NHSL2: variants seen among roughly 807,000 people sequenced by gnomAD.
The protein encoded by NHSL2 is NHS like 2, also known as NHS-like protein 2.
NHSL2 carries 27 observed loss-of-function variants against 53.4 expected under a neutral mutation model. The ratio of observed to expected loss-of-function variants is 0.51; its 90% CI spans 0.37 to 0.70. The LOEUF (loss-of-function observed/expected upper bound fraction) is 0.70, where lower values mean the gene tolerates loss of function less well. NHSL2 is among the 30% of genes least tolerant of loss of function. The pLI, the probability that NHSL2 is intolerant of heterozygous loss-of-function variation, is 0.00. For synonymous variants in NHSL2, 408 were observed against 404.1 expected, an observed-to-expected ratio of 1.01 and a Z score of -0.12; for missense variants, 892 against 980.1, an observed-to-expected ratio of 0.91 and a Z score of 1.20.
chrX:72,101,018 C>T (rs181440751), intron 1 of NHSL2, among the ~76,000 whole-genome samples: 7 of 108,429 alleles, frequency 6.5e-5, no homozygotes, highest in African/African-American at 1.0e-4. Context: ...TCATCACACT[C>T]AAAACCCAAT....
At chrX:71,948,850 TG>T (rs1210465789) in intron 1 of NHSL2, among the ~76,000 whole-genome samples, 4 of 30,623 alleles carry the variant, frequency 1.3e-4, no homozygotes, top group Non-Finnish European at 3.6e-4. Flanking sequence ...AATGTAGTTT[TG>T]TTTTTTTTTT....
At chrX:72,075,970 G>A (rs1950332527) in intron 1 of NHSL2, among the ~76,000 whole-genome samples, 1 of 109,283 alleles carries the variant, frequency 9.2e-6, no homozygotes, top group African/African-American at 3.3e-5. Flanking sequence ...TTTCACTCTT[G>A]TCACCCAGGC....
At chrX:71,950,335 C>G (rs2041814613) in intron 1 of NHSL2, among the ~76,000 whole-genome samples, 1 of 112,532 alleles carries the variant, frequency 8.9e-6, no homozygotes, top group South Asian at 3.7e-4. Flanking sequence ...ATGCCCAGCC[C>G]AAAGACCTAA....
At chrX:71,994,296 C>CTGTGTGTGTGTGTGTGTGTGTG (rs1364524927) in intron 1 of NHSL2, among the ~76,000 whole-genome samples, 2 of 41,476 alleles carry the variant, frequency 4.8e-5, no homozygotes, top group African/African-American at 1.9e-4. Context: ...GGGAGGCTCC[C>CTGTGTGTGTGTGTGTGTGTGTG]TCTGTGTGTG....
intron 1 of NHSL2, among the ~76,000 whole-genome samples, chrX:72,119,283 G>C (rs1053869491): frequency 7.2e-5 from 8 of 111,828 alleles, no homozygotes. Flanking sequence ...ATGGATTTTA[G>C]GATCAGGTGG....
chrX:72,139,919 C>T lies in NHSL2; in HGVS notation c.2371C>T (p.Arg791Ter). The change falls in exon 6 of 8, where the codon CGA (arginine) becomes TGA (stop). Residue 791 changes from arginine (R) to a stop codon, truncating the protein, a stop_gained. Transcript: ENST00000633930. LOFTEE classifies it high-confidence loss of function. ...LDLSGMSISI[R>*]SKTKVSRHHS... ...TCTGTCTGGGATGAGTATCTCCATC[C>T]GAAGCAAAACTAAGGTGAGTCGGCA... 8.3e-7 allele frequency: 1 copy of T among 1,210,538 alleles called. No individual in the cohort carries two copies. The highest frequency in any genetic ancestry group is 1.1e-6 in the Non-Finnish European group (1 of 894,840).
intron 1 of NHSL2, among the ~76,000 whole-genome samples, chrX:71,976,199 G>A: frequency 8.9e-6 from 1 of 112,163 alleles, no homozygotes; most frequent in Admixed American, 9.5e-5. Context: ...ACAGAGTCTT[G>A]TGGTGAAGGG....
At chrX:71,983,955 T>C (rs1407256619) in intron 1 of NHSL2, among the ~76,000 whole-genome samples, 1 of 111,554 alleles carries the variant, frequency 9.0e-6, no homozygotes, top group East Asian at 2.8e-4. Flanking sequence ...CCCTATCTCA[T>C]GCTGTGACTA....
At chrX:71,967,594 G>C (rs976043533) in intron 1 of NHSL2, among the ~76,000 whole-genome samples, 1 of 111,448 alleles carries the variant, frequency 9.0e-6, no homozygotes, top group Non-Finnish European at 1.9e-5. Context: ...GGATTTTCTA[G>C]ACGTCTTTCT....
chrX:72,049,219 A>G (rs984805769), intron 1 of NHSL2, among the ~76,000 whole-genome samples: 3 of 111,291 alleles, frequency 2.7e-5, no homozygotes, highest in African/African-American at 9.8e-5. Flanking sequence ...CCAGAGTGAT[A>G]ACAGAGTGCT....
chrX:71,924,039 A>C (rs1463808582), intron 1 of NHSL2, among the ~76,000 whole-genome samples: 1 of 111,920 alleles, frequency 8.9e-6, no homozygotes, highest in Non-Finnish European at 1.9e-5. Context: ...TCTGAGGGGT[A>C]ATTCCTACCC....
chrX:72,011,840 G>C (rs193140619), intron 1 of NHSL2, among the ~76,000 whole-genome samples: 7 of 111,647 alleles, frequency 6.3e-5, no homozygotes. Flanking sequence ...ATCTCATTCT[G>C]GTTTCAATTC....
chrX:72,114,136 C>G (rs1043551779), intron 1 of NHSL2, among the ~76,000 whole-genome samples: 1 of 112,362 alleles, frequency 8.9e-6, no homozygotes, highest in South Asian at 3.7e-4. Flanking sequence ...AGGTATCAGC[C>G]GTGGTTGCCT....
chrX:72,129,588 A>T, intron 1 of NHSL2: 1 of 402,933 alleles, frequency 2.5e-6, no homozygotes, highest in East Asian at 4.0e-5. Context: ...CGGACTGAGC[A>T]GAGTACATGC....
intron 1 of NHSL2, among the ~76,000 whole-genome samples, chrX:71,912,275 G>A (rs146343813): frequency 2.6e-3 from 296 of 112,246 alleles, no homozygotes; most frequent in African/African-American, 9.4e-3. Flanking sequence ...GAAATGCAGT[G>A]CCCCTGAGAG....
chrX:72,129,047 A>C (rs2042256237), intron 1 of NHSL2: 1 of 113,054 alleles, frequency 8.8e-6, no homozygotes, highest in Non-Finnish European at 1.9e-5. Context: ...GGGGGTGCCC[A>C]GGAGGGCAAT....
At chrX:72,059,723 T>C (rs1304555023) in intron 1 of NHSL2, among the ~76,000 whole-genome samples, 1 of 111,844 alleles carries the variant, frequency 8.9e-6, no homozygotes, top group African/African-American at 3.3e-5. Flanking sequence ...GGGGATTGCA[T>C]CAAATGATGG....
At position 71,911,276 on chromosome X, in the gene NHSL2, C is replaced by G; in HGVS notation, c.189C>G (p.Arg63=). ...AGGGGCACCTGCTGGCCCTGGGGCG[C>G]CGCACAGACAGCCTGTACCGGCGCA... The part of the protein sequence containing the change: ...DLEGHLLALG[R]RTDSLYRRTV... The change falls in exon 1 of 8, where the codon CGC becomes CGG. Residue 63 remains arginine (R), a synonymous_variant. Transcript: ENST00000633930. 1.8e-6 allele frequency: 2 copies of G among 1,142,288 alleles called. No homozygotes were observed. Among genetic ancestry groups the G allele is most frequent in the Non-Finnish European group, 2.3e-6 (2 of 865,372 alleles). 94.1% of individuals were successfully genotyped at this position (1,142,288 alleles called of 1,213,427 possible).
intron 1 of NHSL2, among the ~76,000 whole-genome samples, chrX:72,029,994 C>T (rs1039258234): frequency 4.5e-5 from 5 of 111,985 alleles, no homozygotes; most frequent in Non-Finnish European, 9.4e-5. Context: ...GAAAACCACC[C>T]CTTAAATGTA....
Sources: gnomAD v4.1 joint callset for allele counts (sites outside exome capture counted in the v4.1 genomes callset) on GRCh38, gnomAD v4.1.1 for gene constraint, MANE v1.5 for transcripts, NCBI Gene and HGNC (gene_info 2026-07-23, HGNC 2026-07-21) for gene names.